OR4N2: variants seen among roughly 807,000 people sequenced by gnomAD.
The protein encoded by OR4N2 is olfactory receptor family 4 subfamily N member 2.
For missense variants in OR4N2, 307 were observed against 377.6 expected, an observed-to-expected ratio of 0.81 and a Z score of 1.55; for synonymous variants, 141 against 140.4, an observed-to-expected ratio of 1.00 and a Z score of -0.03.
At chr14:19,824,620 C>G (rs2138480399) in intron 1 of OR4N2, among the ~76,000 whole-genome samples, 2 of 152,364 alleles carry the variant, frequency 1.3e-5, no homozygotes, top group Admixed American at 1.3e-4. Flanking sequence ...CCTCTGCCAC[C>G]CCTGACACAG....
chr14:19,823,581 C>T (rs1879619786), intron 1 of OR4N2, among the ~76,000 whole-genome samples: 2 of 151,970 alleles, frequency 1.3e-5, no homozygotes, highest in South Asian at 4.1e-4. Flanking sequence ...ATTAGCAAGA[C>T]AGGTGTGGGG....
chr14:19,821,196 C>T lies in OR4N2; in HGVS notation c.-9-6244C>T, dbSNP rs564175170. Among the ~76,000 whole-genome samples the T allele has an allele frequency of 6.6e-5, 10 of 152,364 alleles. No individual in the cohort carries two copies. The South Asian group carries it at 2.1e-3, about 32-fold the overall frequency. On this transcript the variant is annotated intron_variant, in intron 1 of 1. Coordinates refer to ENST00000557677, the MANE Select transcript of OR4N2 (RefSeq NM_001004723.3). Reference sequence around the variant, plus strand: ...TGGCTGGGGAGGGAGTTCCCTGAACCCTTCCACTTCCCCGGTGATGTGATG... The same window carrying T: ...TGGCTGGGGAGGGAGTTCCCTGAACTCTTCCACTTCCCCGGTGATGTGATG...
intron 1 of OR4N2, among the ~76,000 whole-genome samples, chr14:19,824,191 A>ATT (rs376911103): frequency 6.0e-5 from 9 of 151,094 alleles, no homozygotes; most frequent in Admixed American, 1.3e-4. Context: ...TCATATATGG[A>ATT]TTTTTTTTTT....
At chr14:19,820,240 T>G (rs1184289545) in intron 1 of OR4N2, among the ~76,000 whole-genome samples, 1 of 152,266 alleles carries the variant, frequency 6.6e-6, no homozygotes, top group African/African-American at 2.4e-5. Context: ...CTGGATCTCC[T>G]GGATTCATTG....
chr14:19,821,162 G>A (rs541785373), intron 1 of OR4N2, among the ~76,000 whole-genome samples: 27 of 152,358 alleles, frequency 1.8e-4, no homozygotes, highest in Admixed American at 5.9e-4. Flanking sequence ...AGTCTCTCAC[G>A]GCTTCCCTTG....
chr14:19,805,172 T>C (rs1478191061), intron 1 of OR4N2, among the ~76,000 whole-genome samples: 1 of 152,222 alleles, frequency 6.6e-6, no homozygotes, highest in East Asian at 1.9e-4. Context: ...GCCTTTTAAT[T>C]GAAGCATTTA....
At chr14:19,823,079 G>T (rs1160178243) in intron 1 of OR4N2, among the ~76,000 whole-genome samples, 2 of 152,204 alleles carry the variant, frequency 1.3e-5, no homozygotes, top group Non-Finnish European at 2.9e-5. Flanking sequence ...TTTGTTTAGT[G>T]CTTTATATAC....
intron 1 of OR4N2, among the ~76,000 whole-genome samples, chr14:19,811,006 A>C (rs1483451699): frequency 6.6e-6 from 1 of 152,258 alleles, no homozygotes; most frequent in African/African-American, 2.4e-5. Context: ...TGAAAACTTT[A>C]TACTAAGAAA....
chr14:19,816,920 G>A (rs143800858), intron 1 of OR4N2, among the ~76,000 whole-genome samples: 2,083 of 151,538 alleles, frequency 0.014, 5 homozygotes, highest in Middle Eastern at 0.056. Flanking sequence ...GAATTTTATC[G>A]AAGGCCTTTT....
At chr14:19,826,250 CA>C (rs2138482481) in intron 1 of OR4N2, among the ~76,000 whole-genome samples, 1 of 152,340 alleles carries the variant, frequency 6.6e-6, no homozygotes, top group Non-Finnish European at 1.5e-5. Context: ...ATTTTCTTCA[CA>C]ATGCACATTG....
At chr14:19,814,807 G>T (rs2138469033) in intron 1 of OR4N2, among the ~76,000 whole-genome samples, 1 of 152,324 alleles carries the variant, frequency 6.6e-6, no homozygotes, top group Non-Finnish European at 1.5e-5. Context: ...TTCTCCTAAT[G>T]CTATCCTTCC....
At chr14:19,806,798 A>G (rs1170045411) in intron 1 of OR4N2, among the ~76,000 whole-genome samples, 1 of 152,214 alleles carries the variant, frequency 6.6e-6, no homozygotes, top group African/African-American at 2.4e-5. Flanking sequence ...AAGATCAACC[A>G]CATGCTTGAT....
At chr14:19,822,114 G>A (rs967969779) in intron 1 of OR4N2, 2 of 152,254 alleles carry the variant, frequency 1.3e-5, no homozygotes, top group African/African-American at 4.8e-5. Flanking sequence ...AGTATTAGCA[G>A]GAATAGCCAC....
chr14:19,816,282 C>T (rs1314379934), intron 1 of OR4N2, among the ~76,000 whole-genome samples: 13 of 149,764 alleles, frequency 8.7e-5, no homozygotes, highest in Non-Finnish European at 1.5e-4. Flanking sequence ...CTGTAAATTA[C>T]TTTGGGCAAT....
rs11621883 is a variant in OR4N2 at position 19,827,619 on chromosome 14, C to A, written c.171C>A (p.Ala57=). 234,965 of 1,417,300 alleles carry A rather than the reference C, an allele frequency of 0.17. 13,942 individuals carry two copies. The highest frequency in any genetic ancestry group is 0.24 in the South Asian group (19,759 of 80,990). The allele number at this position is 1,417,300 out of a possible 1,614,324, so 87.8% of individuals were successfully genotyped here. A position where few individuals can be genotyped will look rare whatever the true frequency, so the allele number is the denominator to read the frequency against. Reference sequence around the variant, plus strand: ...TAAAGTCAGACCCTGGGCTCACAGCCCCCCTCTATTTCTTTCTGGGCAACT... The same window carrying A: ...TAAAGTCAGACCCTGGGCTCACAGCACCCCTCTATTTCTTTCTGGGCAACT... The part of the protein sequence containing the change: ...FTIKSDPGLT[A]PLYFFLGNLA... Residue 57 remains alanine (A), a synonymous_variant, in exon 2 of 2, where the codon GCC becomes GCA. Coordinates refer to ENST00000557677, the MANE Select transcript of OR4N2 (RefSeq NM_001004723.3).
intron 1 of OR4N2, among the ~76,000 whole-genome samples, chr14:19,815,675 T>G (rs1879409737): frequency 6.6e-6 from 1 of 151,946 alleles, no homozygotes; most frequent in Admixed American, 6.6e-5. Context: ...TTTTTGTTTT[T>G]TTTCTGTGCA....
At chr14:19,808,504 C>A (rs1874854464) in intron 1 of OR4N2, among the ~76,000 whole-genome samples, 1 of 152,014 alleles carries the variant, frequency 6.6e-6, no homozygotes, top group African/African-American at 2.4e-5. Flanking sequence ...AAAATTAAAT[C>A]CCTTGGAATA....
intron 1 of OR4N2, among the ~76,000 whole-genome samples, chr14:19,823,354 G>A (rs1240585188): frequency 6.6e-6 from 1 of 152,144 alleles, no homozygotes; most frequent in African/African-American, 2.4e-5. Flanking sequence ...TCACTTACAA[G>A]TATGAAGTAG....
intron 1 of OR4N2, among the ~76,000 whole-genome samples, chr14:19,808,823 G>A (rs1270709931): frequency 2.0e-5 from 3 of 149,368 alleles, no homozygotes; most frequent in Non-Finnish European, 3.0e-5. Flanking sequence ...CAGAAATATT[G>A]AAAAAAAAAA....
Sources: gnomAD v4.1 joint callset for allele counts (sites outside exome capture counted in the v4.1 genomes callset) on GRCh38, gnomAD v4.1.1 for gene constraint, MANE v1.5 for transcripts, NCBI Gene and HGNC (gene_info 2026-07-23, HGNC 2026-07-21) for gene names.